The following ANKRD44 variants were observed in gnomAD, a reference collection of about 807,000 sequenced individuals.
ANKRD44 encodes the protein serine/threonine-protein phosphatase 6 regulatory ankyrin repeat subunit B.
Under a neutral mutation model 116.0 loss-of-function variants are expected in ANKRD44, and 35 were observed. The observed-to-expected ratio is 0.30, with a 90% CI of 0.23 to 0.40. The LOEUF is 0.40. Ranked by LOEUF, ANKRD44 falls within the 10% of genes least tolerant of loss-of-function variation. The pLI is 1.00. For synonymous variants in ANKRD44, 435 were observed against 461.8 expected (o/e 0.94, Z 0.74); for missense variants, 1,014 against 1,242.6 (o/e 0.82, Z 2.77).
chr2:197,252,178 A>G (rs2082331283), intron 1 of ANKRD44, among the ~76,000 whole-genome samples: 2 of 152,184 alleles, frequency 1.3e-5, no homozygotes, highest in South Asian at 4.1e-4. Context: ...AAAACTATTT[A>G]ATCTTTCAGC....
chr2:197,243,119 GAAT>G lies in ANKRD44; in HGVS notation c.28-56016_28-56014del, dbSNP rs529427263. Reference sequence around the variant, plus strand: ...CTCTAATGATTGCAGTAGATACACAGAATAATATTAGAAAAGCTCTTTATTTAG... The same window carrying G: ...CTCTAATGATTGCAGTAGATACACAGAATATTAGAAAAGCTCTTTATTTAG... On this transcript the variant is annotated intron_variant, in intron 1 of 27. Coordinates refer to ENST00000282272, the MANE Select transcript of ANKRD44 (RefSeq NM_001195144.2). Among the ~76,000 whole-genome samples the G allele has an allele frequency of 9.2e-5, 14 of 152,276 alleles. No homozygotes were observed. The East Asian group carries it at 2.3e-3, about 25-fold the overall frequency.
intron 1 of ANKRD44, among the ~76,000 whole-genome samples, chr2:197,299,169 T>C (rs1369884934): frequency 2.0e-5 from 3 of 152,226 alleles, no homozygotes; most frequent in East Asian, 3.8e-4. Flanking sequence ...TGGATTTATA[T>C]TTCCTCTCCA....
intron 1 of ANKRD44, among the ~76,000 whole-genome samples, chr2:197,303,835 A>G (rs1278208231): frequency 6.6e-6 from 1 of 152,242 alleles, no homozygotes; most frequent in East Asian, 1.9e-4. Flanking sequence ...CTTAAAAATT[A>G]TGAATATCAT....
intron 8 of ANKRD44, among the ~76,000 whole-genome samples, chr2:197,117,237 A>ATTAT (rs1177538801): frequency 1.3e-4 from 20 of 150,968 alleles, no homozygotes; most frequent in African/African-American, 4.9e-4. Flanking sequence ...TCCTTCCTTT[A>ATTAT]TTATTTATTT....
At chr2:197,252,104 G>A (rs1156742055) in intron 1 of ANKRD44, among the ~76,000 whole-genome samples, 1 of 152,044 alleles carries the variant, frequency 6.6e-6, no homozygotes, top group Non-Finnish European at 1.5e-5. Flanking sequence ...GGGGAATAAA[G>A]CAGTATCTTC....
intron 16 of ANKRD44, among the ~76,000 whole-genome samples, chr2:197,048,044 T>C (rs977642951): frequency 3.9e-5 from 6 of 152,146 alleles, no homozygotes; most frequent in African/African-American, 1.4e-4. Flanking sequence ...TTTGTTGAAA[T>C]AGTTTTTGAG....
At chr2:197,179,340 C>G (rs961738212) in intron 2 of ANKRD44, among the ~76,000 whole-genome samples, 1 of 152,180 alleles carries the variant, frequency 6.6e-6, no homozygotes, top group Non-Finnish European at 1.5e-5. Flanking sequence ...CCACTCAACT[C>G]CTACCACCAA....
intron 3 of ANKRD44, among the ~76,000 whole-genome samples, chr2:197,141,867 T>A (rs1459739155): frequency 6.6e-6 from 1 of 152,250 alleles, no homozygotes; most frequent in African/African-American, 2.4e-5. Context: ...CTTGTTTACA[T>A]GTCAGAGGGA....
rs1034412363 is a variant in ANKRD44, at chr2:197,088,700, T to C, written c.1247+11A>G. On this transcript the variant is annotated intron_variant, in intron 12 of 27. Coordinates refer to ENST00000282272, the MANE Select transcript of ANKRD44 (RefSeq NM_001195144.2). ...TAACTCATAAATTAACTAGAATTGG[T>C]AACTACTCACCCTCCTGCAGCAGCA... 2 of 1,587,912 alleles carry C rather than the reference T, an allele frequency of 1.3e-6. No homozygotes were observed. The highest frequency in any genetic ancestry group is 1.7e-6 in the Non-Finnish European group (2 of 1,161,570).
intron 2 of ANKRD44, among the ~76,000 whole-genome samples, chr2:197,152,708 G>A (rs62279226): frequency 0.08 from 12,170 of 152,258 alleles, 685 homozygotes; most frequent in Non-Finnish European, 0.12. Context: ...TAAAAATACT[G>A]TGTAGACAGG....
intron 1 of ANKRD44, among the ~76,000 whole-genome samples, chr2:197,297,160 A>T (rs560312535): frequency 5.3e-4 from 80 of 152,346 alleles, no homozygotes; most frequent in African/African-American, 1.7e-3. Context: ...TAAACATAAG[A>T]TTCTTTGGTC....
intron 1 of ANKRD44, among the ~76,000 whole-genome samples, chr2:197,273,123 G>A (rs903544293): frequency 6.6e-6 from 1 of 152,060 alleles, no homozygotes; most frequent in Non-Finnish European, 1.5e-5. Context: ...AAGCTCAAAG[G>A]CCCGAGGCCC....
intron 1 of ANKRD44, among the ~76,000 whole-genome samples, chr2:197,207,692 G>C (rs909126265): frequency 6.6e-6 from 1 of 152,064 alleles, no homozygotes; most frequent in Non-Finnish European, 1.5e-5. Flanking sequence ...CAGTCCACCA[G>C]GAAAAGGGAG....
chr2:197,105,238 C>A (rs542348237), intron 9 of ANKRD44, among the ~76,000 whole-genome samples: 3 of 152,132 alleles, frequency 2.0e-5, no homozygotes, highest in Middle Eastern at 3.4e-3. Context: ...CTCATCCTCC[C>A]GAGTAGCTGG....
chr2:197,102,359 A>G (rs1284707052), intron 9 of ANKRD44, among the ~76,000 whole-genome samples: 2 of 152,162 alleles, frequency 1.3e-5, no homozygotes, highest in African/African-American at 2.4e-5. Context: ...GTCAAAGGGA[A>G]AATTAATATG....
At chr2:197,015,294 G>A (rs1006634877) in intron 17 of ANKRD44, 4 of 419,594 alleles carry the variant, frequency 9.5e-6, no homozygotes, top group African/African-American at 6.2e-5. Context: ...AGAAGATATA[G>A]AGGAATAGAA....
chr2:197,055,175 A>T (rs2077180668), intron 16 of ANKRD44, among the ~76,000 whole-genome samples: 1 of 152,166 alleles, frequency 6.6e-6, no homozygotes, highest in South Asian at 2.1e-4. Context: ...TCTAATTTGC[A>T]TTTCCTTGAT....
chr2:197,177,249 T>C (rs1332169154), intron 2 of ANKRD44, among the ~76,000 whole-genome samples: 1 of 152,232 alleles, frequency 6.6e-6, no homozygotes, highest in Non-Finnish European at 1.5e-5. Flanking sequence ...TGAAAAGTTT[T>C]AATTGATTTT....
chr2:197,003,036 G>C (rs939253073), intron 21 of ANKRD44, among the ~76,000 whole-genome samples: 1 of 152,268 alleles, frequency 6.6e-6, no homozygotes, highest in South Asian at 2.1e-4. Flanking sequence ...GCTGGGCATG[G>C]TGGCTCATGC....
Sources: allele counts gnomAD v4.1 joint callset (sites outside exome capture counted in the v4.1 genomes callset), GRCh38; gene constraint gnomAD v4.1.1; transcripts MANE v1.5; gene names NCBI Gene and HGNC (gene_info 2026-07-23, HGNC 2026-07-21).